The following GABRB3 variants were observed in gnomAD, a reference collection of about 807,000 sequenced individuals.
The protein encoded by GABRB3 is gamma-aminobutyric acid receptor subunit beta-3.
A neutral mutation model predicts 52.1 loss-of-function variants in GABRB3; 14 were observed. That is an observed-to-expected ratio of 0.27 (90% CI 0.18 to 0.42). GABRB3 has a LOEUF of 0.42. GABRB3 is among the 10% of genes least tolerant of loss of function. The pLI is 1.00. For missense variants in GABRB3, 307 were observed against 609.1 expected (o/e 0.50, Z 5.22); for synonymous variants, 260 against 232.3 (o/e 1.12, Z -1.08).
At chr15:26,651,101 G>A (rs1887183487) in intron 3 of GABRB3, among the ~76,000 whole-genome samples, 1 of 152,220 alleles carries the variant, frequency 6.6e-6, no homozygotes, top group Non-Finnish European at 1.5e-5. Flanking sequence ...CTGACAGAGG[G>A]CAACTGCTCT....
chr15:26,613,484 A>G (rs548215010), intron 4 of GABRB3: 1 of 152,296 alleles, frequency 6.6e-6, no homozygotes, highest in Admixed American at 6.5e-5. Context: ...GGATAGCTAC[A>G]TCACATCCTA....
intron 3 of GABRB3, among the ~76,000 whole-genome samples, chr15:26,636,516 T>G (rs1199646006): frequency 6.6e-6 from 1 of 152,178 alleles, no homozygotes; most frequent in African/African-American, 2.4e-5. Context: ...ATCCACCCAC[T>G]CTTTCCACCA....
At chr15:26,666,010 CT>C (rs1206091191) in intron 3 of GABRB3, among the ~76,000 whole-genome samples, 2 of 152,126 alleles carry the variant, frequency 1.3e-5, no homozygotes, top group Non-Finnish European at 2.9e-5. Context: ...TAGAAACCCC[CT>C]GACCTTAGAC....
intron 3 of GABRB3, among the ~76,000 whole-genome samples, chr15:26,636,327 C>CA (rs1185467130): frequency 6.6e-6 from 1 of 152,204 alleles, no homozygotes; most frequent in Non-Finnish European, 1.5e-5. Flanking sequence ...CTTCCTCCAG[C>CA]ATCCATGGCA....
chr15:26,737,937 A>G (rs73372136), intron 3 of GABRB3, among the ~76,000 whole-genome samples: 2,132 of 152,292 alleles, frequency 0.014, 40 homozygotes, highest in African/African-American at 0.049. Flanking sequence ...TCTTGCTACT[A>G]AAACTACAAT....
intron 3 of GABRB3, among the ~76,000 whole-genome samples, chr15:26,750,569 G>A (rs17117334): frequency 0.25 from 37,491 of 151,958 alleles, 4,900 homozygotes; most frequent in Non-Finnish European, 0.28. Context: ...AATAAGAATC[G>A]GGCAGAATAC....
intron 4 of GABRB3, among the ~76,000 whole-genome samples, chr15:26,601,252 T>G (rs1392787002): frequency 6.6e-6 from 1 of 151,832 alleles, no homozygotes; most frequent in African/African-American, 2.4e-5. Flanking sequence ...CAAAACCCGG[T>G]CCCCACTAAA....
chr15:26,564,144 T>C (rs1234008268), intron 7 of GABRB3, among the ~76,000 whole-genome samples: 2 of 152,078 alleles, frequency 1.3e-5, no homozygotes, highest in African/African-American at 2.4e-5. Flanking sequence ...AATTGGAGCA[T>C]TTCAGATTTT....
chr15:26,570,157 G>T (rs201616012), intron 6 of GABRB3, among the ~76,000 whole-genome samples: 1 of 152,142 alleles, frequency 6.6e-6, no homozygotes, highest in African/African-American at 2.4e-5. Flanking sequence ...TTAGCCTTAG[G>T]TAAGTTCACA....
chr15:26,681,618 A>T (rs10873637), intron 3 of GABRB3, among the ~76,000 whole-genome samples: 4 of 152,154 alleles, frequency 2.6e-5, no homozygotes, highest in African/African-American at 9.6e-5. Flanking sequence ...CTAATTAATG[A>T]CAGGCATTCC....
At position 26,727,453 on chromosome 15, in the gene GABRB3, A is replaced by G. The variant is rs564101980; in HGVS notation, c.240+44949T>C. Among the ~76,000 whole-genome samples, 10 of 152,316 alleles carry G rather than the reference A, an allele frequency of 6.6e-5. No individual in the cohort carries two copies. The East Asian group carries it at 1.7e-3, about 26-fold the overall frequency. ...TCAAATTGCCCCCGATTTGGCCATC[A>G]GGAGACCCTTCAATTCTGTTCTATG... is the stretch of plus-strand genomic sequence containing the variant. On this transcript the variant is annotated intron_variant, in intron 3 of 8. Transcript: ENST00000311550.
intron 3 of GABRB3, among the ~76,000 whole-genome samples, chr15:26,664,558 T>A (rs1887644008): frequency 6.6e-6 from 1 of 152,120 alleles, no homozygotes; most frequent in African/African-American, 2.4e-5. Flanking sequence ...TATTTATTTA[T>A]TTTTAATTAT....
chr15:26,554,021 T>TATATATATATATATATATATATATATA (rs1555400757), intron 8 of GABRB3, among the ~76,000 whole-genome samples: 4 of 23,668 alleles, frequency 1.7e-4, no homozygotes, highest in Admixed American at 5.2e-4. Context: ...ACCTGACTAT[T>TATATATATATATATATATATATATATA]TATATATATA....
rs767178198 is a variant in GABRB3 at position 26,580,362 on chromosome 15, G to A, written c.639C>T (p.Ile213=). 9 of 1,614,082 alleles carry A rather than the reference G, an allele frequency of 5.6e-6. No individual in the cohort carries two copies. Among genetic ancestry groups the A allele is most frequent in the African/African-American group, 4.0e-5 (3 of 74,924 alleles). ...VERIELPQFS[I]VEHRLVSRNV... is the part of the protein sequence containing the mutation. ...TCCTCGAGACCAGACGGTGCTCCACGATGGAGAACTGCGGGAGCTCAATCC... is the reference window on the plus strand; with the variant it reads ...TCCTCGAGACCAGACGGTGCTCCACAATGGAGAACTGCGGGAGCTCAATCC... Residue 213 remains isoleucine, a synonymous_variant, in exon 6 of 9, where the codon ATC becomes ATT. Coordinates refer to ENST00000311550, the MANE Select transcript of GABRB3 (RefSeq NM_000814.6).
intron 3 of GABRB3, among the ~76,000 whole-genome samples, chr15:26,739,929 T>C (rs1169507838): frequency 6.6e-6 from 1 of 152,194 alleles, no homozygotes; most frequent in Non-Finnish European, 1.5e-5. Flanking sequence ...CACAAGAGAT[T>C]TGCTAGAGCA....
At chr15:26,616,318 G>A (rs1595485194) in intron 4 of GABRB3, among the ~76,000 whole-genome samples, 1 of 147,486 alleles carries the variant, frequency 6.8e-6, no homozygotes, top group African/African-American at 2.6e-5. Flanking sequence ...TGAGTTTAAT[G>A]ATCAGGGTTG....
chr15:26,633,483 A>ATCACC (rs1399534889), intron 3 of GABRB3, among the ~76,000 whole-genome samples: 9 of 152,070 alleles, frequency 5.9e-5, no homozygotes, highest in South Asian at 2.1e-4. Flanking sequence ...CTTTCCTTTA[A>ATCACC]TCACCTAGCC....
In GABRB3 at chr15:26,643,287, G is replaced by A. The variant is rs141061884; in HGVS notation, c.241-21753C>T. ...CCAGGTGCCTGACTGCAGTCATGGT[G>A]GAACACAGCCTCAGAATGATGGGAT... On this transcript the variant is annotated intron_variant, in intron 3 of 8. Transcript: ENST00000311550. Among the ~76,000 whole-genome samples, 951 of 152,284 alleles carry A rather than the reference G, an allele frequency of 6.2e-3. 18 individuals carry two copies. The highest frequency in any genetic ancestry group is 0.044 in the East Asian group (226 of 5,152).
chr15:26,644,336 G>T (rs769494947), intron 3 of GABRB3, among the ~76,000 whole-genome samples: 1 of 152,182 alleles, frequency 6.6e-6, no homozygotes, highest in African/African-American at 2.4e-5. Context: ...TTACAGAGAT[G>T]ATTAAATTAA....
Sources: gnomAD v4.1 joint callset for allele counts (sites outside exome capture counted in the v4.1 genomes callset) on GRCh38, gnomAD v4.1.1 for gene constraint, MANE v1.5 for transcripts, NCBI Gene and HGNC (gene_info 2026-07-23, HGNC 2026-07-21) for gene names.